Variants in IQCM observed in about 807,000 individuals in gnomAD.
The protein encoded by IQCM is IQ domain-containing protein M.
Under a neutral mutation model 57.6 loss-of-function variants are expected in IQCM, and 45 were observed. The ratio of observed to expected loss-of-function variants is 0.78; its 90% CI spans 0.62 to 1.00. The LOEUF (loss-of-function observed/expected upper bound fraction) is 1.00, where lower values mean the gene tolerates loss of function less well. Among genes scored for constraint, IQCM ranks in the 50% least tolerant of loss-of-function variants. The probability of loss-of-function intolerance (pLI) is 0.00; values close to 1 mark genes in which losing one functional copy is unlikely to be tolerated. For synonymous variants in IQCM, 148 were observed against 158.9 expected (o/e 0.93, Z 0.51); for missense variants, 468 against 511.6 (o/e 0.91, Z 0.82).
intron 13 of IQCM, among the ~76,000 whole-genome samples, chr4:149,412,460 C>T (rs944961205): frequency 3.3e-5 from 5 of 152,098 alleles, no homozygotes; most frequent in African/African-American, 1.2e-4. Context: ...AAATTTCAAA[C>T]CATATATTTG....
intron 13 of IQCM, 148 bp from the exon 14 acceptor site, chr4:149,352,214 G>C (rs767421322): frequency 2.6e-6 from 1 of 391,914 alleles, no homozygotes; most frequent in African/African-American, 2.1e-5. Flanking sequence ...CATTTCCTTC[G>C]GGTGTAGTGT....
intron 7 of IQCM, among the ~76,000 whole-genome samples, chr4:149,648,914 AG>A (rs1758903830): frequency 6.6e-6 from 1 of 152,150 alleles, no homozygotes; most frequent in Admixed American, 6.5e-5. Flanking sequence ...AAGAAAAAAA[AG>A]AATACAAAAA....
At chr4:149,633,869 T>G (rs1757498749) in intron 7 of IQCM, among the ~76,000 whole-genome samples, 1 of 152,126 alleles carries the variant, frequency 6.6e-6, no homozygotes, top group Admixed American at 6.5e-5. Flanking sequence ...ACACCGTCAT[T>G]TTTTTTCTTT....
intron 5 of IQCM, among the ~76,000 whole-genome samples, chr4:149,720,064 C>T (rs55912733): frequency 0.019 from 2,822 of 152,304 alleles, 42 homozygotes; most frequent in Middle Eastern, 0.031. Flanking sequence ...TGACCCTGGG[C>T]CACTGTAAAA....
intron 7 of IQCM, among the ~76,000 whole-genome samples, chr4:149,640,682 A>C (rs1758102693): frequency 6.6e-6 from 1 of 152,204 alleles, no homozygotes; most frequent in Admixed American, 6.5e-5. Context: ...TTTCTAAAGA[A>C]GTTATCCTTT....
intron 7 of IQCM, among the ~76,000 whole-genome samples, chr4:149,629,393 C>T (rs1043617977): frequency 6.6e-6 from 1 of 151,884 alleles, no homozygotes; most frequent in Non-Finnish European, 1.5e-5. Flanking sequence ...GAACATGTAC[C>T]GAGAGACCCA....
At chr4:149,437,786 C>T (rs930612715) in intron 12 of IQCM, among the ~76,000 whole-genome samples, 14 of 152,152 alleles carry the variant, frequency 9.2e-5, no homozygotes, top group Admixed American at 7.9e-4. Flanking sequence ...CATCTATTGT[C>T]GCAACTGTTC....
In IQCM at chr4:149,510,308, T is replaced by G. The variant is rs566291639; in HGVS notation, c.1228+38147A>C. 2.5e-3 allele frequency among the ~76,000 whole-genome samples: 384 copies of G among 152,300 alleles called. 17 individuals carry two copies. The South Asian group carries it at 0.066, about 26-fold the overall frequency. On this transcript the variant is annotated intron_variant, in intron 12 of 13. Transcript: ENST00000636793. ...CTTTATAATAAAATTGGCCTATTTT[T>G]CTAGTCAGTTATTTGTGTTTCTCTT...
chr4:149,746,016 C>T (rs1580186576), intron 2 of IQCM, among the ~76,000 whole-genome samples: 2 of 147,872 alleles, frequency 1.4e-5, no homozygotes, highest in African/African-American at 5.0e-5. Context: ...TATCATGGCT[C>T]TTATAATTCA....
chr4:149,800,270 T>TA (rs1172003447), intron 2 of IQCM, among the ~76,000 whole-genome samples: 27 of 151,570 alleles, frequency 1.8e-4, no homozygotes, highest in Non-Finnish European at 3.7e-4. Flanking sequence ...AATTAACACC[T>TA]AAAAAAGTAT....
At chr4:149,440,340 TC>T (rs2111326354) in intron 12 of IQCM, among the ~76,000 whole-genome samples, 1 of 152,052 alleles carries the variant, frequency 6.6e-6, no homozygotes, top group African/African-American at 2.4e-5. Context: ...ACAAATCGCA[TC>T]ATTTTGGTTA....
chr4:149,744,261 G>A (rs1282447078), intron 2 of IQCM, among the ~76,000 whole-genome samples: 1 of 152,288 alleles, frequency 6.6e-6, no homozygotes, highest in South Asian at 2.1e-4. Context: ...TACCTTGTCT[G>A]CCTAGTTCTG....
At chr4:149,587,792 A>G (rs1414395583) in intron 9 of IQCM, 138 bp downstream of exon 9, 2 of 399,156 alleles carry the variant, frequency 5.0e-6, no homozygotes, top group Admixed American at 9.0e-5. Context: ...AAAAGGCCAC[A>G]TTGAAAAATA....
intron 12 of IQCM, among the ~76,000 whole-genome samples, chr4:149,538,496 T>C (rs888575903): frequency 6.6e-6 from 1 of 151,936 alleles, no homozygotes; most frequent in African/African-American, 2.4e-5. Context: ...ACGTGAATCA[T>C]ATACAAAATA....
rs542223736 is a variant in IQCM at position 149,393,126 on chromosome 4, T to G, written c.1390+40270A>C. Among the ~76,000 whole-genome samples the G allele has an allele frequency of 3.3e-5, 5 of 152,126 alleles. No individual in the cohort carries two copies. In the South Asian group the frequency reaches 1.0e-3, roughly 32 times the overall value. Reference sequence around the variant, plus strand: ...GGAATTTAAGGCTAGTGAGCTGCAATTGTTTCACTGCACTCCAGTCTGGGC... The same window carrying G: ...GGAATTTAAGGCTAGTGAGCTGCAAGTGTTTCACTGCACTCCAGTCTGGGC... On this transcript the variant is annotated intron_variant, in intron 13 of 13. Transcript: ENST00000636793.
intron 9 of IQCM, among the ~76,000 whole-genome samples, chr4:149,571,101 T>C (rs1042838746): frequency 1.3e-5 from 2 of 151,914 alleles, no homozygotes; most frequent in African/African-American, 4.8e-5. Context: ...CCTCAAAAAA[T>C]TAAAAACAGA....
chr4:149,492,470 T>G (rs1212528481), intron 12 of IQCM, among the ~76,000 whole-genome samples: 1 of 152,154 alleles, frequency 6.6e-6, no homozygotes, highest in Non-Finnish European at 1.5e-5. Context: ...TACTTGGTAC[T>G]AACCTACACA....
chr4:149,412,704 T>C (rs1733475989), intron 13 of IQCM, among the ~76,000 whole-genome samples: 1 of 152,190 alleles, frequency 6.6e-6, no homozygotes, highest in Non-Finnish European at 1.5e-5. Context: ...CTAAGTGTTT[T>C]CAAAATGTCT....
chr4:149,641,446 T>C (rs1758184807), intron 7 of IQCM, among the ~76,000 whole-genome samples: 1 of 152,146 alleles, frequency 6.6e-6, no homozygotes. Context: ...GAAAAACACT[T>C]TCATTCATAT....
Sources: allele counts gnomAD v4.1 joint callset (sites outside exome capture counted in the v4.1 genomes callset), GRCh38; gene constraint gnomAD v4.1.1; transcripts MANE v1.5; gene names NCBI Gene and HGNC (gene_info 2026-07-23, HGNC 2026-07-21).